Variants in SORD observed in about 807,000 individuals in gnomAD.
SORD encodes (R,R)-butanediol dehydrogenase.
SORD carries 18 observed loss-of-function variants against 35.6 expected under a neutral mutation model. The ratio of observed to expected loss-of-function variants is 0.51; its 90% CI spans 0.35 to 0.75. The LOEUF (loss-of-function observed/expected upper bound fraction) is 0.75, where lower values mean the gene tolerates loss of function less well. Among genes scored for constraint, SORD ranks in the 30% least tolerant of loss-of-function variants. SORD has a pLI of 0.01. For missense variants in SORD, 250 were observed against 390.2 expected (o/e 0.64, Z 3.03); for synonymous variants, 106 against 152.9 (o/e 0.69, Z 2.26).
chr15:45,060,095 T>C (rs538108299), intron 3 of SORD, among the ~76,000 whole-genome samples: 2 of 152,288 alleles, frequency 1.3e-5, no homozygotes, highest in African/African-American at 4.8e-5. Flanking sequence ...AAACAAATAC[T>C]GAACTCTAGT....
intron 1 of SORD, among the ~76,000 whole-genome samples, chr15:45,038,582 T>G (rs1328989122): frequency 6.6e-6 from 1 of 152,138 alleles, no homozygotes; most frequent in Non-Finnish European, 1.5e-5. Context: ...AAACACTAGT[T>G]TGGATAGTGG....
intron 1 of SORD, among the ~76,000 whole-genome samples, chr15:45,023,903 C>T (rs1021899075): frequency 3.3e-5 from 5 of 152,194 alleles, no homozygotes; most frequent in African/African-American, 1.2e-4. Flanking sequence ...TCTAGGCCTC[C>T]ATCTCCAGAA....
intron 1 of SORD, among the ~76,000 whole-genome samples, chr15:45,029,495 A>C (rs1309748046): frequency 3.3e-5 from 5 of 152,282 alleles, no homozygotes; most frequent in Non-Finnish European, 5.9e-5. Context: ...AGGGGAATGC[A>C]GCAGCACCCA....
At chr15:45,033,949 T>C (rs1246802203) in intron 1 of SORD, among the ~76,000 whole-genome samples, 5 of 152,194 alleles carry the variant, frequency 3.3e-5, no homozygotes, top group African/African-American at 9.6e-5. Flanking sequence ...TTTGATGATG[T>C]GGAACTTTAG....
intron 3 of SORD, among the ~76,000 whole-genome samples, chr15:45,057,744 C>T (rs1043982405): frequency 2.6e-5 from 4 of 152,074 alleles, no homozygotes; most frequent in African/African-American, 7.2e-5. Context: ...GATTGCACCA[C>T]TGCACTCCAG....
At chr15:45,067,347 G>A (rs1432639165) in intron 5 of SORD, among the ~76,000 whole-genome samples, 2 of 152,272 alleles carry the variant, frequency 1.3e-5, no homozygotes, top group East Asian at 1.9e-4. Flanking sequence ...GTGACAGAGC[G>A]AGACTCTGTC....
intron 1 of SORD, among the ~76,000 whole-genome samples, chr15:45,034,951 C>G (rs1892837742): frequency 1.3e-5 from 2 of 152,208 alleles, no homozygotes; most frequent in African/African-American, 4.8e-5. Flanking sequence ...CCTGCGGTTC[C>G]CGGGCAATGA....
chr15:45,029,444 A>AGCTG (rs147000119), intron 1 of SORD, among the ~76,000 whole-genome samples: 31,113 of 150,682 alleles, frequency 0.21, no homozygotes, highest in African/African-American at 0.44. Context: ...TGCGGGATCC[A>AGCTG]GCCAGCTGCT....
chr15:45,067,989 A>G (rs1893434274), intron 5 of SORD, among the ~76,000 whole-genome samples, 192 bp from the exon 6 acceptor site: 1 of 152,210 alleles, frequency 6.6e-6, no homozygotes, highest in Admixed American at 6.5e-5. Flanking sequence ...AGCGTATTTT[A>G]TGTAGAGAAT....
At chr15:45,071,176 G>A (rs919491622) in intron 7 of SORD, among the ~76,000 whole-genome samples, 2 of 152,204 alleles carry the variant, frequency 1.3e-5, no homozygotes, top group African/African-American at 4.8e-5. Context: ...TAGTGTCCAG[G>A]TGGTTCCAGC....
chr15:45,064,213 C>T (rs1409735089), intron 4 of SORD, among the ~76,000 whole-genome samples: 2 of 151,894 alleles, frequency 1.3e-5, no homozygotes, highest in African/African-American at 4.8e-5. Flanking sequence ...CACAGCTGCT[C>T]ATACCAGGAT....
In SORD at chr15:45,073,581, A is replaced by G. The variant is rs780195215; in HGVS notation, c.*51A>G. ...CACAGTCTTGGGATCTCAGGGCACA[A>G]TGGCTGGACATGGGTGGGCTCTGAT... On this transcript the variant is annotated 3_prime_UTR_variant, in exon 9 of 9. Coordinates refer to ENST00000267814, the MANE Select transcript of SORD (RefSeq NM_003104.6). 19 of 1,569,978 alleles carry G rather than the reference A, an allele frequency of 1.2e-5. 1 individual carries two copies. Among genetic ancestry groups the G allele is most frequent in the African/African-American group, 1.1e-4 (7 of 66,024 alleles).
intron 3 of SORD, among the ~76,000 whole-genome samples, chr15:45,044,674 A>G (rs1343224437): frequency 6.9e-6 from 1 of 145,608 alleles, no homozygotes; most frequent in African/African-American, 2.5e-5. Flanking sequence ...AAACACTTAG[A>G]TGTACAATTC....
chr15:45,063,350 A>G (rs921372287), intron 4 of SORD, among the ~76,000 whole-genome samples: 13 of 152,068 alleles, frequency 8.5e-5, no homozygotes, highest in Admixed American at 8.5e-4. Flanking sequence ...AAAACTACCA[A>G]GTTGCCTCAT....
At chr15:45,025,311 ATGATGAGATCAGGTT>A (rs1435346846) in intron 1 of SORD, among the ~76,000 whole-genome samples, 1 of 152,224 alleles carries the variant, frequency 6.6e-6, no homozygotes, top group African/African-American at 2.4e-5. Context: ...GTAGATTAAA[ATGATGAGATCAGGTT>A]TGAAAAGTTG....
At chr15:45,057,973 G>A (rs1893244411) in intron 3 of SORD, among the ~76,000 whole-genome samples, 1 of 152,134 alleles carries the variant, frequency 6.6e-6, no homozygotes, top group South Asian at 2.1e-4. Flanking sequence ...AATTCTCCCT[G>A]TTTCTAGGAA....
chr15:45,048,697 G>A (rs979978271), intron 3 of SORD, among the ~76,000 whole-genome samples: 1 of 152,142 alleles, frequency 6.6e-6, no homozygotes. Flanking sequence ...CTCATGACCA[G>A]GAAAATTAAG....
Position 45,027,104 on chromosome 15 carries a change from T to C in SORD, c.66+3755T>C, listed in dbSNP as rs1429147617. Reference sequence around the variant, plus strand: ...ACACACTAAGACCAGTGGTTTTCTTTTATAGTTAGGAGAACAAAACGAAAC... The same window carrying C: ...ACACACTAAGACCAGTGGTTTTCTTCTATAGTTAGGAGAACAAAACGAAAC... On this transcript the variant is annotated intron_variant, in intron 1 of 8. Coordinates refer to ENST00000267814, the MANE Select transcript of SORD (RefSeq NM_003104.6). Among the ~76,000 whole-genome samples the C allele has an allele frequency of 2.0e-5, 3 of 152,234 alleles. No individual in the cohort carries two copies. In the East Asian group the frequency reaches 5.8e-4, roughly 29 times the overall value.
chr15:45,037,366 T>C (rs1211156746), intron 1 of SORD, among the ~76,000 whole-genome samples: 3 of 152,276 alleles, frequency 2.0e-5, no homozygotes, highest in South Asian at 2.1e-4. Context: ...CCAGGGCCTA[T>C]TTGGTGTGCC....
Sources: allele counts gnomAD v4.1 joint callset (sites outside exome capture counted in the v4.1 genomes callset), GRCh38; gene constraint gnomAD v4.1.1; transcripts MANE v1.5; gene names NCBI Gene and HGNC (gene_info 2026-07-23, HGNC 2026-07-21).